Variants in PCDH15 observed in about 807,000 individuals in gnomAD.
The protein encoded by PCDH15 is protocadherin related 15.
PCDH15 carries 129 observed loss-of-function variants against 178.5 expected under a neutral mutation model. The observed-to-expected ratio is 0.72, with a 90% CI of 0.63 to 0.84. PCDH15 has a LOEUF of 0.84. PCDH15 is among the 40% of genes least tolerant of loss of function. PCDH15 has a pLI of 0.00. For missense variants in PCDH15, 2,230 were observed against 2,099.9 expected (o/e 1.06, Z -1.21); for synonymous variants, 800 against 732.0 (o/e 1.09, Z -1.50).
intron 18 of PCDH15, among the ~76,000 whole-genome samples, chr10:54,030,257 CCATAA>C (rs2093253985): frequency 6.6e-6 from 1 of 151,938 alleles, no homozygotes; most frequent in Non-Finnish European, 1.5e-5. Flanking sequence ...GAAGTGGGAA[CCATAA>C]AAGCTGTTGA....
At chr10:55,484,783 G>GT (rs1321865678) in intron 2 of PCDH15, among the ~76,000 whole-genome samples, 3 of 151,702 alleles carry the variant, frequency 2.0e-5, no homozygotes, top group African/African-American at 7.3e-5. Flanking sequence ...ACACACTGGG[G>GT]TAAGGGCAGT....
rs114490054 is a variant in PCDH15, at chr10:54,092,238, A to G, written c.1918-2175T>C. On this transcript the variant is annotated intron_variant, in intron 15 of 37. Transcript: ENST00000644397. ...AGATCCCACCAGATTTACCTAAAAT[A>G]TCTGCTGTATCTGGCTGTGTCTGAA... 4.0e-3 allele frequency among the ~76,000 whole-genome samples: 602 copies of G among 152,252 alleles called. 2 individuals are homozygous for G. Among genetic ancestry groups the G allele is most frequent in the African/African-American group, 0.014 (576 of 41,538 alleles).
chr10:54,412,991 G>A (rs1305554516), intron 3 of PCDH15, among the ~76,000 whole-genome samples: 1 of 152,224 alleles, frequency 6.6e-6, no homozygotes, highest in African/African-American at 2.4e-5. Flanking sequence ...ACACAGGAGA[G>A]ACTAAGAAAG....
At chr10:54,126,305 A>G (rs2041986300) in intron 15 of PCDH15, among the ~76,000 whole-genome samples, 1 of 152,026 alleles carries the variant, frequency 6.6e-6, no homozygotes, top group Admixed American at 6.6e-5. Context: ...TCCTGACCTA[A>G]GGTAATCCAA....
chr10:55,526,721 T>C (rs1194155976), intron 2 of PCDH15, among the ~76,000 whole-genome samples: 2 of 152,110 alleles, frequency 1.3e-5, no homozygotes, highest in African/African-American at 4.8e-5. Context: ...GACTGTGTCA[T>C]TAAAACTTGT....
At chr10:54,745,621 G>T (rs890668941) in intron 1 of PCDH15, among the ~76,000 whole-genome samples, 1 of 152,124 alleles carries the variant, frequency 6.6e-6, no homozygotes, top group Non-Finnish European at 1.5e-5. Flanking sequence ...TGGCTCATGG[G>T]ATTTCCTTGG....
intron 2 of PCDH15, among the ~76,000 whole-genome samples, chr10:55,380,980 T>C (rs1383295688): frequency 2.0e-5 from 3 of 152,158 alleles, no homozygotes; most frequent in African/African-American, 7.2e-5. Context: ...TGGGATAAGG[T>C]AGTAAATGTT....
chr10:54,080,064 C>A (rs1011967711), intron 16 of PCDH15, among the ~76,000 whole-genome samples: 1 of 151,888 alleles, frequency 6.6e-6, no homozygotes, highest in Non-Finnish European at 1.5e-5. Context: ...AGGAATCATT[C>A]TGCATATTTT....
intron 3 of PCDH15, among the ~76,000 whole-genome samples, chr10:54,844,730 T>C (rs1953475647): frequency 6.6e-6 from 1 of 152,008 alleles, no homozygotes; most frequent in African/African-American, 2.4e-5. Context: ...TCAATCTCAC[T>C]GCCTCAATGT....
intron 1 of PCDH15, among the ~76,000 whole-genome samples, chr10:54,724,963 CACAT>C (rs139529880): frequency 1.3e-5 from 2 of 150,878 alleles, no homozygotes; most frequent in Non-Finnish European, 3.0e-5. Context: ...CACCTATGCA[CACAT>C]ACATACATAT....
intron 2 of PCDH15, among the ~76,000 whole-genome samples, chr10:55,422,381 G>A (rs1200421359): frequency 6.6e-6 from 1 of 151,792 alleles, no homozygotes; most frequent in Admixed American, 6.6e-5. Context: ...CATCAAATAT[G>A]ATTCCTATAC....
intron 3 of PCDH15, among the ~76,000 whole-genome samples, chr10:54,427,252 T>C (rs1475032463): frequency 6.6e-6 from 1 of 150,628 alleles, no homozygotes; most frequent in South Asian, 2.1e-4. Context: ...TTCCTCTCAT[T>C]TCTTTCTCTT....
chr10:54,130,064 CAT>C (rs777922513), intron 15 of PCDH15, among the ~76,000 whole-genome samples: 10 of 152,074 alleles, frequency 6.6e-5, no homozygotes, highest in Admixed American at 2.6e-4. Context: ...GAGTATAAAA[CAT>C]AGTTTTATTT....
chr10:54,513,593 T>C (rs1157400845), intron 3 of PCDH15, among the ~76,000 whole-genome samples: 1 of 152,140 alleles, frequency 6.6e-6, no homozygotes, highest in Admixed American at 6.6e-5. Flanking sequence ...AAAACATACT[T>C]GAAATTAAAA....
chr10:53,956,430 A>AT (rs2134237161), intron 23 of PCDH15, among the ~76,000 whole-genome samples: 1 of 152,314 alleles, frequency 6.6e-6, no homozygotes, highest in East Asian at 1.9e-4. Flanking sequence ...TTCAGTTAAA[A>AT]TTTTGGTTCA....
At chr10:54,245,555 T>C (rs768205490) in intron 8 of PCDH15, among the ~76,000 whole-genome samples, 9 of 152,102 alleles carry the variant, frequency 5.9e-5, no homozygotes, top group Non-Finnish European at 1.0e-4. Flanking sequence ...CAAAAGTGAA[T>C]GTATGAGAAA....
chr10:54,464,647 A>G (rs1457539381), intron 3 of PCDH15, among the ~76,000 whole-genome samples: 1 of 152,206 alleles, frequency 6.6e-6, no homozygotes, highest in Admixed American at 6.5e-5. Context: ...TGAAGTCAAC[A>G]TAGGTACCTT....
rs919407442 is a variant in PCDH15, at chr10:55,606,990, C to T, written c.-156+20635G>A. ...ACAAAATGGGAGAAAATTTTCACAA[C>T]CTACTCATCTGACGAAGGGCTAATA... On this transcript the variant is annotated intron_variant, in intron 2 of 5. Transcript: ENST00000613346. Among the ~76,000 whole-genome samples the T allele has an allele frequency of 2.6e-5, 4 of 151,472 alleles. No homozygotes were observed. The South Asian group carries it at 8.4e-4, about 32-fold the overall frequency.
intron 2 of PCDH15, among the ~76,000 whole-genome samples, chr10:55,538,748 C>T (rs1841674859): frequency 1.0e-5 from 1 of 96,726 alleles, no homozygotes; most frequent in African/African-American, 3.9e-5. Context: ...TCCTTCCTTC[C>T]TTCCTCCCTT....
Sources: allele counts gnomAD v4.1 joint callset (sites outside exome capture counted in the v4.1 genomes callset), GRCh38; gene constraint gnomAD v4.1.1; transcripts MANE v1.5; gene names NCBI Gene and HGNC (gene_info 2026-07-23, HGNC 2026-07-21).